Variants in ADCY1 observed in about 807,000 individuals in gnomAD.
ADCY1 encodes the protein adenylate cyclase type 1.
ADCY1 carries 28 observed loss-of-function variants against 105.4 expected under a neutral mutation model. That is an observed-to-expected ratio of 0.27 (90% CI 0.20 to 0.36). ADCY1 has a LOEUF of 0.36. Among genes scored for constraint, ADCY1 ranks in the 10% least tolerant of loss-of-function variants. ADCY1 has a pLI of 1.00. For missense variants in ADCY1, 977 were observed against 1,434.2 expected, an observed-to-expected ratio of 0.68 and a Z score of 5.15; for synonymous variants, 655 against 623.8, an observed-to-expected ratio of 1.05 and a Z score of -0.75.
At chr7:45,663,768 G>A (rs1225573547) in intron 8 of ADCY1, among the ~76,000 whole-genome samples, 5 of 152,022 alleles carry the variant, frequency 3.3e-5, no homozygotes, top group African/African-American at 1.2e-4. Flanking sequence ...GCAGTGAGCC[G>A]AGATTGTGCC....
At position 45,711,642 on chromosome 7, in the gene ADCY1, T is replaced by TAC. The variant is rs1256514395; in HGVS notation, c.3057+991_3057+992insCA. Reference sequence around the variant, plus strand: ...ATATATATATATATATATATATATATATACACACACACACGTATGTATACA... The same window carrying TAC: ...ATATATATATATATATATATATATATACATACACACACACACGTATGTATACA... On this transcript the variant is annotated intron_variant, in intron 19 of 19. Transcript: ENST00000297323. 4.2e-3 allele frequency among the ~76,000 whole-genome samples: 87 copies of TAC among 20,594 alleles called. 1 individual carries two copies. Among genetic ancestry groups the TAC allele is most frequent in the Admixed American group, 0.012 (17 of 1,380 alleles). 13.5% of individuals were successfully genotyped at this position (20,594 alleles called of 152,430 possible). A position where few individuals can be genotyped will look rare whatever the true frequency, so the allele number is the denominator to read the frequency against.
intron 2 of ADCY1, among the ~76,000 whole-genome samples, chr7:45,599,688 G>A (rs754158901): frequency 6.6e-6 from 1 of 151,282 alleles, no homozygotes; most frequent in Non-Finnish European, 1.5e-5. Context: ...GTACAGTGGC[G>A]CTATCTCAAC....
intron 19 of ADCY1, among the ~76,000 whole-genome samples, chr7:45,712,626 TATTAG>T (rs1253417194): frequency 2.0e-5 from 3 of 151,656 alleles, no homozygotes; most frequent in Non-Finnish European, 2.9e-5. Context: ...CAACTCTGGG[TATTAG>T]AAGGTGGGAT....
At chr7:45,656,022 T>G (rs1335373520) in intron 5 of ADCY1, among the ~76,000 whole-genome samples, 3 of 151,888 alleles carry the variant, frequency 2.0e-5, no homozygotes, top group Non-Finnish European at 4.4e-5. Context: ...GCATGGTGGC[T>G]CACACCTGTA....
intron 19 of ADCY1, among the ~76,000 whole-genome samples, chr7:45,712,879 G>A (rs1352128108): frequency 6.6e-6 from 1 of 152,082 alleles, no homozygotes; most frequent in African/African-American, 2.4e-5. Flanking sequence ...AATTCTTTGA[G>A]CTAGAATACT....
At chr7:45,641,305 C>T (rs1197250526) in intron 4 of ADCY1, among the ~76,000 whole-genome samples, 1 of 152,198 alleles carries the variant, frequency 6.6e-6, no homozygotes, top group Non-Finnish European at 1.5e-5. Flanking sequence ...GAAAAGGACA[C>T]TGGAAAGTCT....
chr7:45,582,569 C>CG (rs1395899309), intron 1 of ADCY1, among the ~76,000 whole-genome samples: 30 of 4,668 alleles, frequency 6.4e-3, no homozygotes, highest in African/African-American at 0.017. Context: ...AGGCACCTGG[C>CG]GGGGGGTGGG....
intron 1 of ADCY1, among the ~76,000 whole-genome samples, chr7:45,581,762 A>G (rs554228178): frequency 5.3e-5 from 8 of 152,270 alleles, no homozygotes; most frequent in African/African-American, 1.7e-4. Flanking sequence ...TGAGCATATG[A>G]GTTATATCCA....
At chr7:45,643,829 T>C (rs1794587475) in intron 4 of ADCY1, among the ~76,000 whole-genome samples, 1 of 152,154 alleles carries the variant, frequency 6.6e-6, no homozygotes, top group Non-Finnish European at 1.5e-5. Flanking sequence ...TGGTAGTGCA[T>C]GCACTGTGAA....
At chr7:45,663,675 C>T (rs556335629) in intron 8 of ADCY1, among the ~76,000 whole-genome samples, 7 of 152,172 alleles carry the variant, frequency 4.6e-5, no homozygotes, top group Admixed American at 6.5e-5. Flanking sequence ...AAAAATTAGC[C>T]GGGCGTGGTG....
intron 4 of ADCY1, among the ~76,000 whole-genome samples, chr7:45,648,381 G>C (rs1794720242): frequency 6.6e-6 from 1 of 152,268 alleles, no homozygotes; most frequent in South Asian, 2.1e-4. Context: ...TGATCATCCT[G>C]TAGGGTTGGC....
chr7:45,679,388 T>C (rs913571408), intron 10 of ADCY1, among the ~76,000 whole-genome samples: 1 of 152,176 alleles, frequency 6.6e-6, no homozygotes, highest in Admixed American at 6.5e-5. Flanking sequence ...CTCTTGTCTT[T>C]CCATCATGAG....
At position 45,582,928 on chromosome 7, in the gene ADCY1, C is replaced by T. The variant is rs1016060320; in HGVS notation, c.639+7746C>T. ...GCTGAAGGCAGCACAGTCCCTGGAA[C>T]AATCCCATCTCCCTGGATTAAAGGG... On this transcript the variant is annotated intron_variant, in intron 1 of 19. Coordinates refer to ENST00000297323, the MANE Select transcript of ADCY1 (RefSeq NM_021116.4). Among the ~76,000 whole-genome samples the T allele has an allele frequency of 2.9e-4, 44 of 152,228 alleles. 1 individual carries two copies. The highest frequency in any genetic ancestry group is 1.0e-3 in the African/African-American group (43 of 41,456).
chr7:45,653,874 C>G (rs1794874696), intron 5 of ADCY1, among the ~76,000 whole-genome samples: 1 of 152,214 alleles, frequency 6.6e-6, no homozygotes, highest in South Asian at 2.1e-4. Context: ...CATATGGTTT[C>G]AGCTACCTCA....
At position 45,652,725 on chromosome 7, in the gene ADCY1, A is replaced by T. The variant is rs868154703; in HGVS notation, c.1148+3928A>T. Among the ~76,000 whole-genome samples, 9 of 152,264 alleles carry T rather than the reference A, an allele frequency of 5.9e-5. No individual in the cohort carries two copies. In the Middle Eastern group the frequency reaches 0.01, roughly 173 times the overall value. ...CCTAGTGAGGCTCCAGTGTGAATCA[A>T]GGTGGGGCTGAGAGAGGCCCTCTGA... On this transcript the variant is annotated intron_variant, in intron 5 of 19. Transcript: ENST00000297323.
intron 4 of ADCY1, among the ~76,000 whole-genome samples, chr7:45,636,692 C>T (rs1794405831): frequency 6.6e-6 from 1 of 152,108 alleles, no homozygotes; most frequent in East Asian, 1.9e-4. Flanking sequence ...AGGTGCACAC[C>T]ACCACACCCA....
In ADCY1 at chr7:45,575,218, A is replaced by G. The variant is rs774777802; in HGVS notation, c.639+36A>G. ...CCGCGCACCCCTCATCTGGTCTCGG[A>G]CACACTTGCTGGGACGATGCTGGGA... On this transcript the variant is annotated intron_variant, in intron 1 of 19. Coordinates refer to ENST00000297323, the MANE Select transcript of ADCY1 (RefSeq NM_021116.4). The surrounding 1 kb of genome is among the most constrained non-coding windows in gnomAD (Gnocchi z 4.7). 6.5e-7 allele frequency: 1 copy of G among 1,541,444 alleles called. No homozygotes were observed. Among genetic ancestry groups the G allele is most frequent in the Non-Finnish European group, 8.7e-7 (1 of 1,147,956 alleles).
intron 2 of ADCY1, among the ~76,000 whole-genome samples, chr7:45,603,370 A>G (rs1793290318): frequency 6.6e-6 from 1 of 152,224 alleles, no homozygotes; most frequent in Non-Finnish European, 1.5e-5. Context: ...TTAGCATTTT[A>G]AGGAGCTGCT....
At chr7:45,622,569 T>G in intron 3 of ADCY1, 63 bp from the exon 4 acceptor site, 1 of 1,174,482 alleles carries the variant, frequency 8.5e-7, no homozygotes. Flanking sequence ...CATCTGTACA[T>G]CTCTAGGGAT....
Sources: allele counts gnomAD v4.1 joint callset (sites outside exome capture counted in the v4.1 genomes callset), GRCh38; gene constraint gnomAD v4.1.1; non-coding constraint Gnocchi (gnomAD v3.1); transcripts MANE v1.5; gene names NCBI Gene and HGNC (gene_info 2026-07-23, HGNC 2026-07-21).